The following CTNNA2 variants were observed in gnomAD, a reference collection of about 807,000 sequenced individuals.
CTNNA2 encodes catenin alpha 2, also known as catenin alpha-2.
In CTNNA2, 42 loss-of-function variants were observed where a neutral mutation model predicts 101.0. The observed-to-expected ratio is 0.42, with a 90% CI of 0.32 to 0.54. CTNNA2 has a LOEUF of 0.54. Among genes scored for constraint, CTNNA2 ranks in the 20% least tolerant of loss-of-function variants. The pLI, the probability that CTNNA2 is intolerant of heterozygous loss-of-function variation, is 0.14. For synonymous variants in CTNNA2, 450 were observed against 456.4 expected (o/e 0.99, Z 0.18); for missense variants, 871 against 1,223.1 (o/e 0.71, Z 4.29).
rs145946449 is a variant in CTNNA2, at chr2:79,727,253, C to T, written c.103-17134C>T. Reference sequence around the variant, plus strand: ...TATACAAATATATTCAGATTGAAAGCTTGTTAAAAACACATGAAAACCAAA... The same window carrying T: ...TATACAAATATATTCAGATTGAAAGTTTGTTAAAAACACATGAAAACCAAA... On this transcript the variant is annotated intron_variant, in intron 2 of 18. Coordinates refer to ENST00000402739, the MANE Select transcript of CTNNA2 (RefSeq NM_001282597.3). 8.9e-4 allele frequency among the ~76,000 whole-genome samples: 136 copies of T among 152,220 alleles called. 3 individuals are homozygous for T. The East Asian group carries it at 0.023, about 26-fold the overall frequency.
At chr2:80,185,051 CTG>C (rs1383311182) in intron 7 of CTNNA2, among the ~76,000 whole-genome samples, 1 of 152,182 alleles carries the variant, frequency 6.6e-6, no homozygotes, top group Non-Finnish European at 1.5e-5. Flanking sequence ...TCTCCTGGTT[CTG>C]TGAGTTGTGA....
At chr2:79,335,436 T>C (rs1450028624) in intron 3 of CTNNA2, among the ~76,000 whole-genome samples, 8 of 152,182 alleles carry the variant, frequency 5.3e-5, no homozygotes, top group Non-Finnish European at 1.0e-4. Flanking sequence ...TAGAACTTTG[T>C]CTACACTCTC....
chr2:79,671,442 C>T (rs1682835050), intron 2 of CTNNA2, among the ~76,000 whole-genome samples: 1 of 152,020 alleles, frequency 6.6e-6, no homozygotes, highest in South Asian at 2.1e-4. Context: ...AAAAAGATGG[C>T]AAGAAGCTCT....
intron 3 of CTNNA2, among the ~76,000 whole-genome samples, chr2:79,361,765 T>C (rs1677635005): frequency 6.6e-6 from 1 of 152,118 alleles, no homozygotes. Flanking sequence ...GAGTCAGATG[T>C]TCAAGGGCAG....
chr2:80,535,021 A>C (rs1690883372), intron 9 of CTNNA2, among the ~76,000 whole-genome samples: 1 of 152,198 alleles, frequency 6.6e-6, no homozygotes, highest in Non-Finnish European at 1.5e-5. Context: ...AATCTATAAA[A>C]TATTTGGGAT....
At chr2:80,623,961 T>A (rs1193913982) in intron 18 of CTNNA2, among the ~76,000 whole-genome samples, 2 of 148,968 alleles carry the variant, frequency 1.3e-5, no homozygotes, top group Non-Finnish European at 3.0e-5. Context: ...TGGTTAAGCA[T>A]GAGAACTAAG....
In CTNNA2 at chr2:80,118,891, T is replaced by G. The variant is rs115076782; in HGVS notation, c.1056+209094T>G. On this transcript the variant is annotated intron_variant, in intron 7 of 18. Coordinates refer to ENST00000402739, the MANE Select transcript of CTNNA2 (RefSeq NM_001282597.3). ...GGAAGACATCTCTATTCTTAGCCTTTACTCCGATTCTTCACCACCATCCAT... is the reference window on the plus strand; with the variant it reads ...GGAAGACATCTCTATTCTTAGCCTTGACTCCGATTCTTCACCACCATCCAT... Among the ~76,000 whole-genome samples the G allele has an allele frequency of 3.3e-3, 506 of 152,352 alleles. 1 individual carries two copies. Among genetic ancestry groups the G allele is most frequent in the African/African-American group, 0.011 (455 of 41,588 alleles).
intron 1 of CTNNA2, among the ~76,000 whole-genome samples, chr2:79,520,531 A>T (rs1360319326): frequency 6.6e-6 from 1 of 152,182 alleles, no homozygotes; most frequent in Non-Finnish European, 1.5e-5. Flanking sequence ...TTAAAGAAAG[A>T]AGTTTTGCTC....
At chr2:79,809,028 G>A (rs1427276076) in intron 3 of CTNNA2, among the ~76,000 whole-genome samples, 3 of 152,188 alleles carry the variant, frequency 2.0e-5, no homozygotes, top group Middle Eastern at 3.2e-3. Flanking sequence ...TTATGAGTGA[G>A]AACATGCGGT....
chr2:79,744,764 G>C (rs1209371824), intron 3 of CTNNA2, among the ~76,000 whole-genome samples, 182 bp downstream of exon 3: 1 of 152,104 alleles, frequency 6.6e-6, no homozygotes, highest in Non-Finnish European at 1.5e-5. Context: ...CATTGTTGCA[G>C]TATGGTACAG....
At chr2:80,601,680 G>A (rs187013702) in intron 15 of CTNNA2, 60 of 151,290 alleles carry the variant, frequency 4.0e-4, no homozygotes, top group Admixed American at 1.4e-3. Context: ...TCTTGATAGT[G>A]TTCTAAATAT....
intron 4 of CTNNA2, among the ~76,000 whole-genome samples, chr2:79,463,395 C>CAAAA (rs10546803): frequency 3.4e-5 from 4 of 117,806 alleles, no homozygotes; most frequent in Non-Finnish European, 7.1e-5. Context: ...GAGACTGTCT[C>CAAAA]AAAAAAAAAA....
chr2:79,852,238 A>G (rs1015061617), intron 3 of CTNNA2, among the ~76,000 whole-genome samples: 14 of 152,258 alleles, frequency 9.2e-5, no homozygotes, highest in African/African-American at 2.9e-4. Context: ...AAGCTAGCTC[A>G]TCGGATGTTG....
chr2:79,729,021 A>C, intron 2 of CTNNA2, among the ~76,000 whole-genome samples: 1 of 152,098 alleles, frequency 6.6e-6, no homozygotes, highest in African/African-American at 2.4e-5. Context: ...GATGCTATAT[A>C]AAACTTACCA....
chr2:79,804,669 G>A (rs2105311700), intron 3 of CTNNA2, among the ~76,000 whole-genome samples: 2 of 152,030 alleles, frequency 1.3e-5, no homozygotes, highest in East Asian at 3.9e-4. Context: ...ATATATTTAA[G>A]TAATAAAATG....
At chr2:79,948,080 A>G (rs1386686238) in intron 7 of CTNNA2, among the ~76,000 whole-genome samples, 1 of 152,204 alleles carries the variant, frequency 6.6e-6, no homozygotes, top group East Asian at 1.9e-4. Context: ...TATGCACACT[A>G]GCAGCTCAAT....
intron 3 of CTNNA2, among the ~76,000 whole-genome samples, chr2:79,778,646 C>T (rs1301937011): frequency 6.6e-6 from 1 of 151,966 alleles, no homozygotes; most frequent in African/African-American, 2.4e-5. Context: ...TTTTTAAATA[C>T]TTTGATATAT....
chr2:80,567,559 C>T (rs554067237), intron 12 of CTNNA2, among the ~76,000 whole-genome samples: 1 of 152,256 alleles, frequency 6.6e-6, no homozygotes, highest in Admixed American at 6.5e-5. Context: ...ATTAGGGGGC[C>T]TCCTGAATAA....
chr2:80,193,138 C>T (rs1185286171), intron 7 of CTNNA2, among the ~76,000 whole-genome samples: 1 of 152,156 alleles, frequency 6.6e-6, no homozygotes, highest in Admixed American at 6.5e-5. Context: ...TGACCTTTAT[C>T]TTATAAACCT....
Sources: allele counts gnomAD v4.1 joint callset (sites outside exome capture counted in the v4.1 genomes callset), GRCh38; gene constraint gnomAD v4.1.1; transcripts MANE v1.5; gene names NCBI Gene and HGNC (gene_info 2026-07-23, HGNC 2026-07-21).